The following KIAA1217 variants were observed in gnomAD, a reference collection of about 807,000 sequenced individuals.
The protein encoded by KIAA1217 is sickle tail protein homolog.
In KIAA1217, 88 loss-of-function variants were observed where a neutral mutation model predicts 163.9. That is an observed-to-expected ratio of 0.54 (90% CI 0.45 to 0.64). The LOEUF (loss-of-function observed/expected upper bound fraction) is 0.64, where lower values mean the gene tolerates loss of function less well. Ranked by LOEUF, KIAA1217 falls within the 30% of genes least tolerant of loss-of-function variation. The probability of loss-of-function intolerance (pLI) is 0.00; values close to 1 mark genes in which losing one functional copy is unlikely to be tolerated. For missense variants in KIAA1217, 2,372 were observed against 2,475.0 expected, an observed-to-expected ratio of 0.96 and a Z score of 0.88; for synonymous variants, 903 against 923.1, an observed-to-expected ratio of 0.98 and a Z score of 0.39.
intron 1 of KIAA1217, among the ~76,000 whole-genome samples, chr10:23,958,880 C>A (rs1480063776): frequency 6.6e-6 from 1 of 150,908 alleles, no homozygotes; most frequent in Non-Finnish European, 1.5e-5. Flanking sequence ...TCTTCCTGAG[C>A]TGTTTCATGC....
At chr10:23,987,234 G>T (rs113357208) in intron 1 of KIAA1217, among the ~76,000 whole-genome samples, 2 of 151,694 alleles carry the variant, frequency 1.3e-5, no homozygotes, top group Non-Finnish European at 2.9e-5. Flanking sequence ...AAAATTAGCC[G>T]GGTGTGGTGG....
intron 1 of KIAA1217, among the ~76,000 whole-genome samples, chr10:23,969,767 C>A (rs1227407297): frequency 2.6e-5 from 4 of 152,126 alleles, no homozygotes; most frequent in Non-Finnish European, 5.9e-5. Context: ...ACTTGCAGCA[C>A]AAAAGTTGTT....
Position 24,053,577 on chromosome 10 carries a change from G to T in KIAA1217, c.-171+46203G>T, listed in dbSNP as rs1035470495. ...TTTAATATTTTACCCTGTTGATTAGGTTGTTTTCTGAAACTATGATTCCTA... is the reference window on the plus strand; with the variant it reads ...TTTAATATTTTACCCTGTTGATTAGTTTGTTTTCTGAAACTATGATTCCTA... On this transcript the variant is annotated intron_variant, in intron 2 of 18. Transcript: ENST00000376462. 2.0e-5 allele frequency among the ~76,000 whole-genome samples: 3 copies of T among 151,878 alleles called. No homozygotes were observed. In the South Asian group the frequency reaches 6.2e-4, roughly 32 times the overall value.
At chr10:24,532,117 C>A in intron 15 of KIAA1217, 124 bp downstream of exon 15, 4 of 829,322 alleles carry the variant, frequency 4.8e-6, no homozygotes, top group Non-Finnish European at 5.0e-6. Context: ...CACACAAGAT[C>A]CCCAGGAAGC....
chr10:23,757,398 T>A (rs1399165177), intron 1 of KIAA1217, among the ~76,000 whole-genome samples: 1 of 152,224 alleles, frequency 6.6e-6, no homozygotes, highest in Non-Finnish European at 1.5e-5. Context: ...TTTTATATTT[T>A]GTTCTTAATT....
intron 2 of KIAA1217, among the ~76,000 whole-genome samples, chr10:24,250,923 C>T (rs1177804655): frequency 6.6e-6 from 1 of 150,990 alleles, no homozygotes; most frequent in African/African-American, 2.4e-5. Flanking sequence ...ACCCTGTCTT[C>T]ACAGAAAAAT....
At chr10:24,369,923 G>A (rs1209901916) in intron 2 of KIAA1217, among the ~76,000 whole-genome samples, 1 of 152,194 alleles carries the variant, frequency 6.6e-6, no homozygotes, top group Non-Finnish European at 1.5e-5. Context: ...AGAAAGAAAG[G>A]AGAGAAAGAA....
intron 1 of KIAA1217, among the ~76,000 whole-genome samples, chr10:23,801,342 G>T (rs1458533060): frequency 6.6e-6 from 1 of 152,164 alleles, no homozygotes; most frequent in Non-Finnish European, 1.5e-5. Flanking sequence ...GGAAGACTAG[G>T]GGAGGGATAG....
At chr10:24,196,967 T>C (rs1367344454) in intron 2 of KIAA1217, among the ~76,000 whole-genome samples, 1 of 152,216 alleles carries the variant, frequency 6.6e-6, no homozygotes, top group Non-Finnish European at 1.5e-5. Context: ...GAGTGCCTAC[T>C]ATATGCCAGG....
chr10:24,215,700 T>A (rs773311695), intron 1 of KIAA1217, among the ~76,000 whole-genome samples: 8 of 152,228 alleles, frequency 5.3e-5, no homozygotes, highest in Non-Finnish European at 8.8e-5. Flanking sequence ...GGTGTGGGGC[T>A]TGACGCTTCC....
At chr10:24,463,433 A>AGTCT (rs997300195) in intron 5 of KIAA1217, among the ~76,000 whole-genome samples, 20 of 152,296 alleles carry the variant, frequency 1.3e-4, no homozygotes, top group African/African-American at 4.8e-4. Flanking sequence ...TTTTGGCAGC[A>AGTCT]GTCTGTCTGT....
At chr10:24,261,682 C>T (rs1448387871) in intron 2 of KIAA1217, among the ~76,000 whole-genome samples, 2 of 151,950 alleles carry the variant, frequency 1.3e-5, no homozygotes, top group Non-Finnish European at 2.9e-5. Flanking sequence ...GTGGGTGATC[C>T]TCTTGTCGGG....
chr10:24,377,069 G>T (rs760094280), intron 2 of KIAA1217, among the ~76,000 whole-genome samples: 1 of 152,166 alleles, frequency 6.6e-6, no homozygotes, highest in African/African-American at 2.4e-5. Flanking sequence ...GGAGAGAGCT[G>T]CATTGAGCCA....
chr10:24,012,904 G>A (rs1036440297), intron 2 of KIAA1217, among the ~76,000 whole-genome samples: 3 of 152,012 alleles, frequency 2.0e-5, no homozygotes, highest in Non-Finnish European at 2.9e-5. Context: ...ACATCCTAAC[G>A]CATAACATTT....
chr10:24,545,850 T>C lies in KIAA1217; in HGVS notation c.5358T>C (p.Ser1786=). Residue 1786 remains serine, a synonymous_variant, in exon 21 of 21, where the codon TCT becomes TCC. Coordinates refer to ENST00000376454, the MANE Select transcript of KIAA1217 (RefSeq NM_019590.5). ...YRQANGSAKK[S]GGDFKPTSPS... Reference sequence around the variant, plus strand: ...AGGCTAATGGAAGTGCTAAGAAATCTGGTGGGGACTTTAAGCCTACTTCCC... The same window carrying C: ...AGGCTAATGGAAGTGCTAAGAAATCCGGTGGGGACTTTAAGCCTACTTCCC... 5.0e-6 allele frequency: 8 copies of C among 1,597,750 alleles called. No individual in the cohort carries two copies. The highest frequency in any genetic ancestry group is 6.8e-6 in the Non-Finnish European group (8 of 1,173,740).
rs993536295 is a variant in KIAA1217, at chr10:23,695,174, C to T, written c.-381C>T. On this transcript the variant is annotated 5_prime_UTR_variant, in exon 1 of 19. Coordinates refer to the KIAA1217 transcript ENST00000376462. The surrounding 1 kb of genome is among the most constrained non-coding windows in gnomAD (Gnocchi z 4.9). The stretch of plus-strand genomic sequence containing the variant: ...TGAGAGCGAGGTGGCTCCAGGTCTC[C>T]GCGGAGCAGCTGCCAGTGGGAGAGC... 2.6e-5 allele frequency: 4 copies of T among 152,542 alleles called. No homozygotes were observed. Among genetic ancestry groups the T allele is most frequent in the African/African-American group, 9.6e-5 (4 of 41,460 alleles). The allele number at this position is 152,542 out of a possible 1,614,324, so 9.4% of individuals were successfully genotyped here.
intron 1 of KIAA1217, among the ~76,000 whole-genome samples, chr10:24,217,695 C>T (rs1433261889): frequency 6.6e-6 from 1 of 152,190 alleles, no homozygotes; most frequent in Non-Finnish European, 1.5e-5. Flanking sequence ...ACACCTGTTG[C>T]TTTGCAAAAC....
intron 1 of KIAA1217, among the ~76,000 whole-genome samples, chr10:23,746,027 C>G (rs1305170633): frequency 2.6e-5 from 4 of 152,286 alleles, no homozygotes; most frequent in African/African-American, 9.6e-5. Flanking sequence ...TAACTTATTG[C>G]TGCCATTTGT....
At chr10:24,268,502 C>T (rs1222987277) in intron 2 of KIAA1217, among the ~76,000 whole-genome samples, 1 of 150,480 alleles carries the variant, frequency 6.6e-6, no homozygotes, top group African/African-American at 2.5e-5. Context: ...ATCAAAACCA[C>T]TATGAGGTAT....
Sources: allele counts gnomAD v4.1 joint callset (sites outside exome capture counted in the v4.1 genomes callset), GRCh38; gene constraint gnomAD v4.1.1; non-coding constraint Gnocchi (gnomAD v3.1); transcripts MANE v1.5; gene names NCBI Gene and HGNC (gene_info 2026-07-23, HGNC 2026-07-21).